The following SNX13 variants were observed in gnomAD, a reference collection of about 807,000 sequenced individuals.
The protein encoded by SNX13 is sorting nexin-13.
A neutral mutation model predicts 133.6 loss-of-function variants in SNX13; 45 were observed. The observed-to-expected ratio is 0.34, with a 90% confidence interval of 0.27 to 0.43. The LOEUF is 0.43. SNX13 is among the 20% of genes least tolerant of loss of function. SNX13 has a pLI of 1.00. For synonymous variants in SNX13, 414 were observed against 373.9 expected (o/e 1.11, Z -1.24); for missense variants, 1,032 against 1,145.1 (o/e 0.90, Z 1.43).
chr7:17,851,397 C>T (rs955043582), intron 9 of SNX13, among the ~76,000 whole-genome samples: 4 of 152,042 alleles, frequency 2.6e-5, no homozygotes, highest in Non-Finnish European at 5.9e-5. Context: ...ATAACACAAC[C>T]ACTGTGTTGT....
rs1032596116 is a variant in SNX13, at chr7:17,940,361, G to T, written c.-66C>A. On this transcript the variant is annotated 5_prime_UTR_variant, in exon 1 of 26. Transcript: ENST00000428135. ...TCATGGCAACAGCCGTAGCAGCAGCGAAAACTGCTCGGGCCGCCGCCAACG... is the reference window on the plus strand; with the variant it reads ...TCATGGCAACAGCCGTAGCAGCAGCTAAAACTGCTCGGGCCGCCGCCAACG... 1.3e-6 allele frequency: 2 copies of T among 1,542,890 alleles called. No homozygotes were observed. The highest frequency in any genetic ancestry group is 2.7e-5 in the African/African-American group (2 of 73,034).
At chr7:17,862,049 T>G (rs1792770850) in intron 9 of SNX13, among the ~76,000 whole-genome samples, 1 of 152,226 alleles carries the variant, frequency 6.6e-6, no homozygotes. Context: ...GAAATATTTT[T>G]AGAATATAGG....
chr7:17,934,968 G>A (rs1801856279), intron 1 of SNX13, among the ~76,000 whole-genome samples: 2 of 152,178 alleles, frequency 1.3e-5, no homozygotes, highest in East Asian at 1.9e-4. Flanking sequence ...AAAATGGTAT[G>A]TAAGTTCCTC....
chr7:17,837,061 T>C (rs568129466), intron 13 of SNX13, among the ~76,000 whole-genome samples: 1 of 152,164 alleles, frequency 6.6e-6, no homozygotes, highest in Non-Finnish European at 1.5e-5. Context: ...TTTTTAGCTC[T>C]GCTCTTTTCA....
chr7:17,805,266 C>CGCGCGCGCGCGCGCA (rs1785159753), intron 20 of SNX13, among the ~76,000 whole-genome samples: 1 of 125,692 alleles, frequency 8.0e-6, no homozygotes, highest in Admixed American at 7.8e-5. Context: ...CGCGCGCGCG[C>CGCGCGCGCGCGCGCA]ATGCATGCAC....
At chr7:17,867,730 A>T (rs144626487) in intron 9 of SNX13, among the ~76,000 whole-genome samples, 3 of 152,336 alleles carry the variant, frequency 2.0e-5, no homozygotes, top group African/African-American at 7.2e-5. Flanking sequence ...AGTTAAAGGA[A>T]GACAAATGTA....
intron 11 of SNX13, among the ~76,000 whole-genome samples, chr7:17,846,251 A>G (rs1360184241): frequency 2.0e-5 from 3 of 152,164 alleles, no homozygotes; most frequent in Non-Finnish European, 2.9e-5. Flanking sequence ...ATATGAAAAA[A>G]AAAAAGGGAA....
chr7:17,882,214 G>A (rs1795426550), intron 5 of SNX13: 1 of 152,178 alleles, frequency 6.6e-6, no homozygotes, highest in African/African-American at 2.4e-5. Context: ...GTGAGCTGGA[G>A]TAGGCAAACA....
At chr7:17,928,936 G>T (rs1409328442) in intron 1 of SNX13, among the ~76,000 whole-genome samples, 1 of 152,024 alleles carries the variant, frequency 6.6e-6, no homozygotes, top group East Asian at 1.9e-4. Context: ...CATGAAAAAA[G>T]TATATAAACC....
chr7:17,801,252 T>C (rs1054767874), intron 22 of SNX13, among the ~76,000 whole-genome samples: 3 of 151,366 alleles, frequency 2.0e-5, no homozygotes, highest in African/African-American at 7.2e-5. Flanking sequence ...CATCACAATG[T>C]TGAGCAAAAA....
At chr7:17,873,982 G>A (rs1444942615) in intron 7 of SNX13, among the ~76,000 whole-genome samples, 2 of 152,060 alleles carry the variant, frequency 1.3e-5, no homozygotes, top group Non-Finnish European at 2.9e-5. Flanking sequence ...TAAAAACATA[G>A]CTGTAATTCT....
intron 20 of SNX13, among the ~76,000 whole-genome samples, chr7:17,805,075 C>G (rs1042909481): frequency 3.9e-5 from 6 of 152,168 alleles, no homozygotes; most frequent in African/African-American, 1.4e-4. Flanking sequence ...CTAGAAGAGA[C>G]TGTCACAGTA....
chr7:17,803,984 G>A (rs1157778575), intron 20 of SNX13, among the ~76,000 whole-genome samples: 1 of 151,858 alleles, frequency 6.6e-6, no homozygotes, highest in Non-Finnish European at 1.5e-5. Flanking sequence ...TTGATCTCAG[G>A]AGTTCAAGGC....
At chr7:17,872,292 C>A (rs907959953) in intron 8 of SNX13, among the ~76,000 whole-genome samples, 16 of 152,068 alleles carry the variant, frequency 1.1e-4, no homozygotes, top group African/African-American at 3.9e-4. Flanking sequence ...AGACCAGTGA[C>A]ATGAAAGAAA....
Position 17,815,664 on chromosome 7 carries a change from A to T in SNX13, c.1953+518T>A, listed in dbSNP as rs1786575675. On this transcript the variant is annotated intron_variant, in intron 19 of 25. Transcript: ENST00000428135. ...CCAAACAAAAACATTCAAGTGTTATATGGAAGCCCCAAACAAAACACTGCT... is the reference window on the plus strand; with the variant it reads ...CCAAACAAAAACATTCAAGTGTTATTTGGAAGCCCCAAACAAAACACTGCT... 2.0e-5 allele frequency among the ~76,000 whole-genome samples: 3 copies of T among 152,338 alleles called. No homozygotes were observed. The South Asian group carries it at 6.2e-4, about 32-fold the overall frequency.
rs543331932 is a variant in SNX13, at chr7:17,889,635, A to AG, written c.440+727dup. 4.6e-5 allele frequency: 7 copies of AG among 152,282 alleles called. No individual in the cohort carries two copies. In the East Asian group the frequency reaches 1.3e-3, roughly 29 times the overall value. The allele number at this position is 152,282 out of a possible 1,614,324, so 9.4% of individuals were successfully genotyped here. A position where few individuals can be genotyped will look rare whatever the true frequency, so the allele number is the denominator to read the frequency against. The stretch of plus-strand genomic sequence containing the variant: ...TCAAAAAGTTAGACATCAAGGATGG[A>AG]GGGGAAAAAAAGCCTTCAAAAATAA... On this transcript the variant is annotated intron_variant, in intron 5 of 25. Transcript: ENST00000428135.
intron 5 of SNX13, among the ~76,000 whole-genome samples, chr7:17,887,329 TATA>T (rs1371990314): frequency 6.6e-6 from 1 of 152,224 alleles, no homozygotes; most frequent in African/African-American, 2.4e-5. Context: ...TGCATCACAC[TATA>T]ATATCTTATT....
At position 17,830,776 on chromosome 7, in the gene SNX13, A is replaced by G; in HGVS notation, c.1598-729T>C. The stretch of plus-strand genomic sequence containing the variant: ...AAGGTGTTCCTTTATTAAACACACA[A>G]ACAAATCTATGGTAAAGCAATATTC... On this transcript the variant is annotated intron_variant, in intron 15 of 25. Transcript: ENST00000428135. The G allele has an allele frequency of 5.1e-6, 5 of 982,398 alleles. 1 individual carries two copies. The South Asian group carries it at 1.9e-4, about 37-fold the overall frequency. 60.9% of individuals were successfully genotyped at this position (982,398 alleles called of 1,614,324 possible).
At chr7:17,933,655 T>G (rs1026660824) in intron 1 of SNX13, among the ~76,000 whole-genome samples, 2 of 152,044 alleles carry the variant, frequency 1.3e-5, no homozygotes, top group South Asian at 2.1e-4. Flanking sequence ...GTCTATTCCC[T>G]GTCTCCCCTG....
Sources: allele counts gnomAD v4.1 joint callset (sites outside exome capture counted in the v4.1 genomes callset), GRCh38; gene constraint gnomAD v4.1.1; transcripts MANE v1.5; gene names NCBI Gene and HGNC (gene_info 2026-07-23, HGNC 2026-07-21).